The following ROBO2 variants were observed in gnomAD, a reference collection of about 807,000 sequenced individuals.
The protein encoded by ROBO2 is roundabout guidance receptor 2.
ROBO2 carries 53 observed loss-of-function variants against 160.8 expected under a neutral mutation model. The ratio of observed to expected loss-of-function variants is 0.33; its 90% confidence interval spans 0.26 to 0.41. The LOEUF (loss-of-function observed/expected upper bound fraction) is 0.41. ROBO2 is among the 10% of genes least tolerant of loss of function. The pLI, the probability that ROBO2 is intolerant of heterozygous loss-of-function variation, is 1.00. For synonymous variants in ROBO2, 664 were observed against 611.7 expected, an observed-to-expected ratio of 1.09 and a Z score of -1.26; for missense variants, 1,577 against 1,722.4, an observed-to-expected ratio of 0.92 and a Z score of 1.49.
chr3:77,193,448 G>GTTT (rs552295952), intron 2 of ROBO2, among the ~76,000 whole-genome samples: 8 of 121,648 alleles, frequency 6.6e-5, no homozygotes, highest in African/African-American at 1.1e-4. Flanking sequence ...GCCCAGCTAA[G>GTTT]TTTTTTTTTT....
At chr3:75,910,732 T>C (rs1204214545) in intron 1 of ROBO2, among the ~76,000 whole-genome samples, 1 of 152,156 alleles carries the variant, frequency 6.6e-6, no homozygotes, top group Non-Finnish European at 1.5e-5. Context: ...TGAAGGGTAA[T>C]TAAGAATAGG....
intron 2 of ROBO2, among the ~76,000 whole-genome samples, chr3:76,228,693 G>T (rs1489286037): frequency 1.3e-5 from 2 of 152,000 alleles, no homozygotes; most frequent in African/African-American, 4.8e-5. Context: ...CAAATCTAAA[G>T]TATCTGTCTA....
chr3:76,452,086 C>T (rs975553227), intron 2 of ROBO2, among the ~76,000 whole-genome samples: 1 of 152,084 alleles, frequency 6.6e-6, no homozygotes, highest in Non-Finnish European at 1.5e-5. Context: ...ATTCCTTCAA[C>T]CCCTAATTCT....
At chr3:77,434,596 T>C (rs140019403) in intron 2 of ROBO2, among the ~76,000 whole-genome samples, 1 of 152,224 alleles carries the variant, frequency 6.6e-6, no homozygotes, top group East Asian at 1.9e-4. Context: ...AAGTTTCCAA[T>C]CTAGGCTATC....
intron 2 of ROBO2, among the ~76,000 whole-genome samples, chr3:76,125,408 T>C (rs2070932481): frequency 6.6e-6 from 1 of 152,150 alleles, no homozygotes; most frequent in South Asian, 2.1e-4. Flanking sequence ...TTAAGTTCTT[T>C]GAGAAATCTT....
chr3:76,834,500 G>A (rs796294785), intron 2 of ROBO2, among the ~76,000 whole-genome samples: 77 of 152,090 alleles, frequency 5.1e-4, no homozygotes, highest in African/African-American at 1.8e-3. Context: ...AGCCTTGCAT[G>A]TAGCTGAGAT....
intron 2 of ROBO2, among the ~76,000 whole-genome samples, chr3:76,142,831 A>T (rs939451261): frequency 6.6e-6 from 1 of 152,028 alleles, no homozygotes; most frequent in African/African-American, 2.4e-5. Context: ...CAAATAATAG[A>T]TGCTTGAGGG....
intron 2 of ROBO2, among the ~76,000 whole-genome samples, chr3:76,965,785 G>GTATATATATATATA (rs62885160): frequency 0.022 from 2,826 of 128,846 alleles, 55 homozygotes; most frequent in Admixed American, 0.039. Context: ...TTGTGTTTGT[G>GTATATATATATATA]TATATATATA....
intron 2 of ROBO2, among the ~76,000 whole-genome samples, chr3:76,632,569 A>G (rs2090090495): frequency 6.6e-6 from 1 of 152,218 alleles, no homozygotes; most frequent in African/African-American, 2.4e-5. Context: ...AAAGAAAGGA[A>G]AAGTAGAAGC....
At chr3:76,003,474 A>G (rs1232872804) in intron 2 of ROBO2, among the ~76,000 whole-genome samples, 3 of 152,194 alleles carry the variant, frequency 2.0e-5, no homozygotes, top group Admixed American at 2.0e-4. Context: ...TTTTGAGAAT[A>G]TGTTTTTCCA....
chr3:76,880,676 G>A (rs780576647), intron 2 of ROBO2, among the ~76,000 whole-genome samples: 1 of 152,036 alleles, frequency 6.6e-6, no homozygotes, highest in African/African-American at 2.4e-5. Context: ...TACAACTTAT[G>A]TTCTCATATA....
intron 2 of ROBO2, among the ~76,000 whole-genome samples, chr3:76,274,480 A>G (rs1371243303): frequency 6.6e-6 from 1 of 152,174 alleles, no homozygotes. Context: ...TGAATCTGAT[A>G]TATGATTTGC....
At chr3:75,940,961 C>T (rs1948028564) in intron 2 of ROBO2, among the ~76,000 whole-genome samples, 1 of 152,222 alleles carries the variant, frequency 6.6e-6, no homozygotes, top group Admixed American at 6.5e-5. Flanking sequence ...CTCAGCAACC[C>T]ATAGTTCTGG....
intron 2 of ROBO2, among the ~76,000 whole-genome samples, chr3:77,300,546 T>C (rs2062564532): frequency 6.6e-6 from 1 of 151,994 alleles, no homozygotes; most frequent in South Asian, 2.1e-4. Context: ...CTATGCTACA[T>C]AAATACTGAT....
intron 2 of ROBO2, chr3:75,937,679 G>T: frequency 1.1e-6 from 1 of 912,270 alleles, no homozygotes; most frequent in South Asian, 2.4e-5. Flanking sequence ...TGAGTCTTTG[G>T]TTCGACGTTT....
chr3:77,586,143 A>G (rs1410479543), intron 16 of ROBO2, among the ~76,000 whole-genome samples: 3 of 152,146 alleles, frequency 2.0e-5, no homozygotes, highest in Non-Finnish European at 2.9e-5. Flanking sequence ...GCAGTTTCCT[A>G]TGGTAAGATG....
At chr3:76,415,329 T>A (rs567306773) in intron 2 of ROBO2, among the ~76,000 whole-genome samples, 2 of 152,324 alleles carry the variant, frequency 1.3e-5, no homozygotes, top group East Asian at 3.9e-4. Context: ...GAGAGAAATG[T>A]ATGCCTCTCA....
chr3:77,519,270 T>C (rs1431613474), intron 5 of ROBO2, among the ~76,000 whole-genome samples: 1 of 151,428 alleles, frequency 6.6e-6, no homozygotes, highest in Non-Finnish European at 1.5e-5. Context: ...GATAAAAAAA[T>C]CTCAGGAAGT....
At chr3:77,233,229 C>A (rs544017192) in intron 2 of ROBO2, among the ~76,000 whole-genome samples, 1 of 152,228 alleles carries the variant, frequency 6.6e-6, no homozygotes, top group Non-Finnish European at 1.5e-5. Flanking sequence ...ATACCATGAA[C>A]AATTCAGTAA....
Sources: gnomAD v4.1 joint callset for allele counts (sites outside exome capture counted in the v4.1 genomes callset) on GRCh38, gnomAD v4.1.1 for gene constraint, MANE v1.5 for transcripts, NCBI Gene and HGNC (gene_info 2026-07-23, HGNC 2026-07-21) for gene names.